SMG8: variants seen among roughly 807,000 people sequenced by gnomAD.
SMG8 encodes nonsense-mediated mRNA decay factor SMG8.
A neutral mutation model predicts 82.1 loss-of-function variants in SMG8; 49 were observed. The ratio of observed to expected loss-of-function variants is 0.60; its 90% CI spans 0.47 to 0.76. SMG8 has a LOEUF of 0.76. Ranked by LOEUF, SMG8 falls within the 30% of genes least tolerant of loss-of-function variation. The probability of loss-of-function intolerance (pLI) is 0.00; values close to 1 mark genes in which losing one functional copy is unlikely to be tolerated. For missense variants in SMG8, 969 were observed against 1,166.4 expected (o/e 0.83, Z 2.46); for synonymous variants, 404 against 430.0 (o/e 0.94, Z 0.75).
At position 59,215,142 on chromosome 17, in the gene SMG8, A is replaced by G; in HGVS notation, c.*140A>G. ...TACAGGAGTTCAGTATTTGGAAACT[A>G]ATTTGTTCTACTTTTTCATTATATT... On this transcript the variant is annotated 3_prime_UTR_variant, in exon 4 of 4. Coordinates refer to ENST00000300917, the MANE Select transcript of SMG8 (RefSeq NM_018149.7). 1 of 585,396 alleles carries G rather than the reference A, an allele frequency of 1.7e-6. No individual in the cohort carries two copies. The highest frequency in any genetic ancestry group is 3.0e-6 in the Non-Finnish European group (1 of 329,718). 36.3% of individuals were successfully genotyped at this position (585,396 alleles called of 1,614,324 possible).
Position 59,210,226 on chromosome 17 carries a change from C to A in SMG8, c.175C>A (p.Arg59Ser). The change falls in exon 1 of 4, where the codon CGC becomes AGC. Residue 59 changes from arginine (R) to serine (S), a missense_variant. Physicochemically the swap from Arg to Ser is moderately radical, Grantham distance 110. This residue lies in a region of SMG8 where 206 missense variants were observed against 190.5 expected (regional missense o/e 1.08). Coordinates refer to ENST00000300917, the MANE Select transcript of SMG8 (RefSeq NM_018149.7). Reference sequence around the variant, plus strand: ...GGGAATCTTCGGCAAGACGGCTCTACGCCTGAATTCCGAGAAGTTCTCTCT... The same window carrying A: ...GGGAATCTTCGGCAAGACGGCTCTAAGCCTGAATTCCGAGAAGTTCTCTCT... The part of the protein sequence containing the change: ...VVGIFGKTAL[R>S]LNSEKFSLVN... 2 of 1,608,284 alleles carry A rather than the reference C, an allele frequency of 1.2e-6. No individual in the cohort carries two copies. The highest frequency in any genetic ancestry group is 1.7e-6 in the Non-Finnish European group (2 of 1,177,310).
rs559421148 is a variant in SMG8, at chr17:59,210,397, G to C, written c.346G>C (p.Val116Leu). ...EDPGAAAGGS[V>L]RGSGAVAEGN... ...CCCTGGGGCTGCAGCCGGGGGTTCA[G>C]TTCGGGGAAGTGGAGCTGTCGCGGA... Residue 116 changes from valine (V) to leucine (L), a missense_variant, in exon 1 of 4, where the codon GTT (valine) becomes CTT (leucine). This residue lies in a region of SMG8 where 206 missense variants were observed against 190.5 expected (regional missense o/e 1.08). Coordinates refer to ENST00000300917, the MANE Select transcript of SMG8 (RefSeq NM_018149.7). The C allele has an allele frequency of 6.2e-7, 1 of 1,610,944 alleles. No individual in the cohort carries two copies. Among genetic ancestry groups the C allele is most frequent in the Non-Finnish European group, 8.5e-7 (1 of 1,178,734 alleles).
chr17:59,215,175 T>C lies in SMG8; in HGVS notation c.*173T>C. 3.6e-6 allele frequency: 2 copies of C among 556,538 alleles called. No homozygotes were observed. The highest frequency in any genetic ancestry group is 3.2e-6 in the Non-Finnish European group (1 of 314,262). The allele number at this position is 556,538 out of a possible 1,614,324, so 34.5% of individuals were successfully genotyped here. ...CTACTTTTTCATTATATTGTTGATA[T>C]TTATTGTAAACGTGACTACAACTTT... On this transcript the variant is annotated 3_prime_UTR_variant, in exon 4 of 4. Transcript: ENST00000300917.
rs1046358837 is a variant in SMG8 at position 59,212,098 on chromosome 17, T to A, written c.1760-243T>A. The A allele has an allele frequency of 3.5e-5, 15 of 426,830 alleles. No individual in the cohort carries two copies. The East Asian group carries it at 5.2e-4, about 15-fold the overall frequency. The allele number at this position is 426,830 out of a possible 1,614,324, so 26.4% of individuals were successfully genotyped here. On this transcript the variant is annotated intron_variant, in intron 1 of 3. Coordinates refer to ENST00000300917, the MANE Select transcript of SMG8 (RefSeq NM_018149.7). Reference sequence around the variant, plus strand: ...ATATTAACACTTTGCCTTGGAGGATTTGTAGAACTAAAATGAATGTTATGT... The same window carrying A: ...ATATTAACACTTTGCCTTGGAGGATATGTAGAACTAAAATGAATGTTATGT...
chr17:59,213,079 T>C lies in SMG8; in HGVS notation c.2256T>C (p.His752=), dbSNP rs1260197023. ...STVEYLPGML[H]SNCPKGLLPK... Reference sequence around the variant, plus strand: ...TTGAGTATCTCCCAGGCATGCTACATTCAAATTGCCCTAAAGGTCTCCTAC... The same window carrying C: ...TTGAGTATCTCCCAGGCATGCTACACTCAAATTGCCCTAAAGGTCTCCTAC... Residue 752 remains histidine, a synonymous_variant, in exon 3 of 4, where the codon CAT becomes CAC. Coordinates refer to ENST00000300917, the MANE Select transcript of SMG8 (RefSeq NM_018149.7). 1 of 1,614,202 alleles carries C rather than the reference T, an allele frequency of 6.2e-7. No homozygotes were observed. Among genetic ancestry groups the C allele is most frequent in the Admixed American group, 1.7e-5 (1 of 60,014 alleles).
At position 59,213,612 on chromosome 17, in the gene SMG8, T is replaced by G; in HGVS notation, c.2778+11T>G. 1.3e-6 allele frequency: 2 copies of G among 1,583,622 alleles called. No homozygotes were observed. The highest frequency in any genetic ancestry group is 1.7e-6 in the Non-Finnish European group (2 of 1,167,750). ...ATACTAATGCCTCAGGTAAGAAATA[T>G]AACCCTCTGCAGCCCCAAACAAGTA... On this transcript the variant is annotated intron_variant, in intron 3 of 3. Transcript: ENST00000300917.
Position 59,210,397 on chromosome 17 carries a change from G to A in SMG8, c.346G>A (p.Val116Ile). The change falls in exon 1 of 4, where the codon GTT becomes ATT. Residue 116 changes from valine (V) to isoleucine (I), a missense_variant. Physicochemically the swap from Val to Ile is conservative, Grantham distance 29 (BLOSUM62 3). Transcript: ENST00000300917. The stretch of plus-strand genomic sequence containing the variant: ...CCCTGGGGCTGCAGCCGGGGGTTCA[G>A]TTCGGGGAAGTGGAGCTGTCGCGGA... Reference protein sequence around the residue: ...EDPGAAAGGSVRGSGAVAEGN... With the variant: ...EDPGAAAGGSIRGSGAVAEGN... 6.2e-7 allele frequency: 1 copy of A among 1,610,944 alleles called. No individual in the cohort carries two copies. Among genetic ancestry groups the A allele is most frequent in the Non-Finnish European group, 8.5e-7 (1 of 1,178,734 alleles).
Position 59,215,054 on chromosome 17 carries a change from A to G in SMG8, c.*52A>G. 1.2e-6 allele frequency: 1 copy of G among 850,538 alleles called. No individual in the cohort carries two copies. Among genetic ancestry groups the G allele is most frequent in the Non-Finnish European group, 2.1e-6 (1 of 487,262 alleles). The allele number at this position is 850,538 out of a possible 1,614,324, so 52.7% of individuals were successfully genotyped here. A position where few individuals can be genotyped will look rare whatever the true frequency, so the allele number is the denominator to read the frequency against. On this transcript the variant is annotated 3_prime_UTR_variant, in exon 4 of 4. Coordinates refer to ENST00000300917, the MANE Select transcript of SMG8 (RefSeq NM_018149.7). ...ACTTGAGCTGGTTTTTGTTTTTGGT[A>G]TTTGTGGCTGTGTTTTTGGTATGTG...
chr17:59,213,631 AC>A (rs756041694), intron 3 of SMG8, 30 bp downstream of exon 3: 1 of 1,549,776 alleles, frequency 6.5e-7, no homozygotes, highest in South Asian at 1.2e-5. Context: ...GCAGCCCCAA[AC>A]AAGTAAAAAA....
At position 59,215,191 on chromosome 17, in the gene SMG8, C is replaced by A; in HGVS notation, c.*189C>A. 1 of 518,732 alleles carries A rather than the reference C, an allele frequency of 1.9e-6. No individual in the cohort carries two copies. The highest frequency in any genetic ancestry group is 2.8e-5 in the South Asian group (1 of 35,316). The allele number at this position is 518,732 out of a possible 1,614,324, so 32.1% of individuals were successfully genotyped here. A position where few individuals can be genotyped will look rare whatever the true frequency, so the allele number is the denominator to read the frequency against. On this transcript the variant is annotated 3_prime_UTR_variant, in exon 4 of 4. Coordinates refer to ENST00000300917, the MANE Select transcript of SMG8 (RefSeq NM_018149.7). ...TTGTTGATATTTATTGTAAACGTGACTACAACTTTCTAATAAAGATTGGTT... is the reference window on the plus strand; with the variant it reads ...TTGTTGATATTTATTGTAAACGTGAATACAACTTTCTAATAAAGATTGGTT...
Position 59,211,471 on chromosome 17 carries a change from C to A in SMG8, c.1420C>A (p.Leu474Ile). ...EEDLGSPTGE[L>I]TSKILSSIKV... ...GGACTTGGGGTCACCCACTGGAGAG[C>A]TAACATCTAAGATTTTAAGCAGTAT... Residue 474 changes from leucine to isoleucine, a missense_variant, in exon 1 of 4, where the codon CTA (leucine) becomes ATA (isoleucine). Coordinates refer to ENST00000300917, the MANE Select transcript of SMG8 (RefSeq NM_018149.7). 1 of 1,613,890 alleles carries A rather than the reference C, an allele frequency of 6.2e-7. No individual in the cohort carries two copies. The highest frequency in any genetic ancestry group is 8.5e-7 in the Non-Finnish European group (1 of 1,179,948).
Position 59,212,589 on chromosome 17 carries a change from C to G in SMG8, c.1905+103C>G. The G allele has an allele frequency of 4.8e-6, 7 of 1,471,952 alleles. No individual in the cohort carries two copies. The South Asian group carries it at 8.1e-5, about 17-fold the overall frequency. The allele number at this position is 1,471,952 out of a possible 1,614,324, so 91.2% of individuals were successfully genotyped here. On this transcript the variant is annotated intron_variant, in intron 2 of 3. Coordinates refer to ENST00000300917, the MANE Select transcript of SMG8 (RefSeq NM_018149.7). The stretch of plus-strand genomic sequence containing the variant: ...AGCAGAGTAAGTAGAAAAGCAAATG[C>G]AACTGCAGTATAATATATAAACAGG...
In SMG8 at chr17:59,210,350, G is replaced by A. The variant is rs778200494; in HGVS notation, c.299G>A (p.Gly100Asp). Residue 100 changes from glycine (G) to aspartate (D), a missense_variant, in exon 1 of 4, where the codon GGT becomes GAT. Coordinates refer to ENST00000300917, the MANE Select transcript of SMG8 (RefSeq NM_018149.7). The stretch of plus-strand genomic sequence containing the variant: ...ATCAGAACTGAGGCTGGCGCCGTGG[G>A]TGAGGCCGGTGGAGCCGAGGACCCT... The part of the protein sequence containing the change: ...PGIRTEAGAV[G>D]EAGGAEDPGA... 3.1e-6 allele frequency: 5 copies of A among 1,611,884 alleles called. No homozygotes were observed. The African/African-American group carries it at 4.0e-5, about 13-fold the overall frequency.
chr17:59,212,135 A>G (rs1729208158), intron 1 of SMG8: 1 of 443,952 alleles, frequency 2.3e-6, no homozygotes, highest in South Asian at 6.9e-5. Context: ...AGATGATGGT[A>G]CATGATAATG....
At chr17:59,212,676 G>A (rs1466264623) in intron 2 of SMG8, 53 bp from the exon 3 acceptor site, 2 of 1,526,802 alleles carry the variant, frequency 1.3e-6, no homozygotes, top group African/African-American at 2.8e-5. Context: ...TTAGAATGAA[G>A]AATATTATTT....
chr17:59,213,361 T>C lies in SMG8; in HGVS notation c.2538T>C (p.Phe846=). ...GGCGAGATGACATAGCTCGAGCTTT[T>C]GTGGGCTTTGAATATGAAGACTCTC... is the stretch of plus-strand genomic sequence containing the variant. ...GRRRDDIARA[F]VGFEYEDSRG... Residue 846 remains phenylalanine, a synonymous_variant, in exon 3 of 4, where the codon TTT becomes TTC. Coordinates refer to ENST00000300917, the MANE Select transcript of SMG8 (RefSeq NM_018149.7). 6.2e-7 allele frequency: 1 copy of C among 1,614,166 alleles called. No homozygotes were observed. Among genetic ancestry groups the C allele is most frequent in the Non-Finnish European group, 8.5e-7 (1 of 1,180,044 alleles).
rs2147865272 is a variant in SMG8 at position 59,213,495 on chromosome 17, TTC to T, written c.2674_2675del (p.Leu892ValfsTer6). ...CTAAATAGTGACATGCCCTTATATA[TTC>T]TGTCATCCTCTCAAGGTAGAGGGCT... On this transcript the variant is annotated frameshift_variant, in exon 3 of 4. Coordinates refer to ENST00000300917, the MANE Select transcript of SMG8 (RefSeq NM_018149.7). LOFTEE classifies it high-confidence loss of function. 1 of 1,614,156 alleles carries T rather than the reference TTC, an allele frequency of 6.2e-7. No individual in the cohort carries two copies. The highest frequency in any genetic ancestry group is 2.2e-5 in the East Asian group (1 of 44,892).
intron 1 of SMG8, 22 bp downstream of exon 1, chr17:59,211,832 T>A: frequency 6.7e-7 from 1 of 1,500,974 alleles, no homozygotes; most frequent in Admixed American, 2.3e-5. Flanking sequence ...TTGTTCAGCA[T>A]TTTGAAATAA....
Position 59,211,230 on chromosome 17 carries a change from C to T in SMG8, c.1179C>T (p.His393=), listed in dbSNP as rs752287143. The T allele has an allele frequency of 2.5e-6, 4 of 1,614,108 alleles. No homozygotes were observed. The highest frequency in any genetic ancestry group is 1.3e-5 in the African/African-American group (1 of 74,942). The stretch of plus-strand genomic sequence containing the variant: ...ACAGCCGACAACAACTTTCCTTTCA[C>T]ATTGACAGCAGCAGTTCCAGTTCTT... ...RQHSRQQLSF[H]IDSSSSSSSG... Residue 393 remains histidine (H), a synonymous_variant, in exon 1 of 4, where the codon CAC becomes CAT. Coordinates refer to ENST00000300917, the MANE Select transcript of SMG8 (RefSeq NM_018149.7).
Sources: allele counts gnomAD v4.1 joint callset, GRCh38; gene constraint gnomAD v4.1.1; regional missense constraint gnomAD v4.1.1; transcripts MANE v1.5; gene names NCBI Gene and HGNC (gene_info 2026-07-23, HGNC 2026-07-21).